Variants in GAS2 observed in about 807,000 individuals in gnomAD.
GAS2 encodes growth arrest specific 2, also known as growth arrest-specific protein 2.
GAS2 carries 20 observed loss-of-function variants against 37.5 expected under a neutral mutation model. The ratio of observed to expected loss-of-function variants is 0.53; its 90% CI spans 0.37 to 0.77. GAS2 has a LOEUF of 0.77. GAS2 is among the 30% of genes least tolerant of loss of function. The probability of loss-of-function intolerance (pLI) is 0.00; values close to 1 mark genes in which losing one functional copy is unlikely to be tolerated. For synonymous variants in GAS2, 144 were observed against 132.2 expected (o/e 1.09, Z -0.61); for missense variants, 336 against 373.4 (o/e 0.90, Z 0.82).
intron 5 of GAS2, among the ~76,000 whole-genome samples, chr11:22,738,709 G>A (rs924922565): frequency 6.6e-6 from 1 of 152,074 alleles, no homozygotes; most frequent in African/African-American, 2.4e-5. Context: ...TTACAACTTG[G>A]CTAGAAAACT....
At chr11:22,782,249 G>A (rs887059102) in intron 7 of GAS2, among the ~76,000 whole-genome samples, 2 of 152,160 alleles carry the variant, frequency 1.3e-5, no homozygotes, top group African/African-American at 4.8e-5. Flanking sequence ...GAGAGCTAGA[G>A]AGGACAGCCT....
intron 3 of GAS2, among the ~76,000 whole-genome samples, chr11:22,692,358 C>A (rs1850286946): frequency 6.6e-6 from 1 of 152,120 alleles, no homozygotes; most frequent in Non-Finnish European, 1.5e-5. Context: ...GGACGTGCGC[C>A]CATGATACAG....
At chr11:22,763,961 A>G (rs762040492) in intron 7 of GAS2, among the ~76,000 whole-genome samples, 29 of 152,318 alleles carry the variant, frequency 1.9e-4, no homozygotes, top group Middle Eastern at 3.4e-3. Flanking sequence ...TTTTTGCTTC[A>G]CTAAAGACAC....
intron 7 of GAS2, among the ~76,000 whole-genome samples, chr11:22,764,120 C>A (rs1854541496): frequency 6.6e-6 from 1 of 152,018 alleles, no homozygotes; most frequent in African/African-American, 2.4e-5. Context: ...AATAACTAAC[C>A]ATTGCTGTAA....
chr11:22,685,786 A>G lies in GAS2; in HGVS notation c.264A>G (p.Thr88=), dbSNP rs779515711. 1 of 1,611,482 alleles carries G rather than the reference A, an allele frequency of 6.2e-7. No homozygotes were observed. The highest frequency in any genetic ancestry group is 8.5e-7 in the Non-Finnish European group (1 of 1,179,226). ...FKESMDANKP[T]KNLPLKKIPC... is the part of the protein sequence containing the mutation. ...AGAGCATGGATGCTAACAAGCCCAC[A>G]AAGGTAAAAGATCCCAATGCAAAAA... Residue 88 remains threonine, a synonymous_variant, in exon 3 of 8, where the codon ACA becomes ACG. Coordinates refer to ENST00000454584, the MANE Select transcript of GAS2 (RefSeq NM_001143830.3).
intron 3 of GAS2, among the ~76,000 whole-genome samples, chr11:22,705,831 G>A (rs1303342225): frequency 6.6e-6 from 1 of 152,154 alleles, no homozygotes; most frequent in African/African-American, 2.4e-5. Flanking sequence ...ATACAAGAAA[G>A]TGTACATACA....
chr11:22,627,583 A>G (rs971854554), intron 1 of GAS2, among the ~76,000 whole-genome samples: 4 of 152,318 alleles, frequency 2.6e-5, no homozygotes, highest in Admixed American at 1.3e-4. Context: ...AGCCTGGCCA[A>G]TATGGCAAAA....
intron 7 of GAS2, among the ~76,000 whole-genome samples, chr11:22,805,299 T>C (rs568642763): frequency 2.6e-5 from 4 of 152,320 alleles, no homozygotes; most frequent in East Asian, 1.9e-4. Flanking sequence ...AAAGTACATA[T>C]GCATTGTGGA....
intron 7 of GAS2, among the ~76,000 whole-genome samples, chr11:22,791,968 A>G (rs1856186574): frequency 6.6e-6 from 1 of 152,252 alleles, no homozygotes; most frequent in Non-Finnish European, 1.5e-5. Flanking sequence ...CAAAAGGCAC[A>G]GGAAGGTGTT....
At chr11:22,726,074 G>C (rs1018755287) in intron 3 of GAS2, among the ~76,000 whole-genome samples, 1 of 151,940 alleles carries the variant, frequency 6.6e-6, no homozygotes, top group African/African-American at 2.4e-5. Flanking sequence ...TTAACCCCTA[G>C]GTACTAAAAA....
intron 3 of GAS2, among the ~76,000 whole-genome samples, chr11:22,722,016 A>G (rs1014925057): frequency 1.3e-5 from 2 of 151,998 alleles, no homozygotes; most frequent in African/African-American, 4.8e-5. Context: ...TGAACATCGT[A>G]TAGCAGAGGA....
At chr11:22,780,075 G>A (rs779362745) in intron 7 of GAS2, among the ~76,000 whole-genome samples, 3 of 152,130 alleles carry the variant, frequency 2.0e-5, no homozygotes, top group African/African-American at 4.8e-5. Flanking sequence ...TAGTATATAC[G>A]AGTTGCTTAA....
chr11:22,645,578 A>G (rs1848679057), intron 1 of GAS2, among the ~76,000 whole-genome samples: 1 of 152,022 alleles, frequency 6.6e-6, no homozygotes, highest in Non-Finnish European at 1.5e-5. Context: ...TTGTTTCTTT[A>G]GTGGGAAATA....
intron 1 of GAS2, among the ~76,000 whole-genome samples, chr11:22,636,608 A>G (rs1396251192): frequency 1.3e-5 from 2 of 152,116 alleles, no homozygotes; most frequent in Non-Finnish European, 2.9e-5. Flanking sequence ...AATGTATAAC[A>G]TTCTCTAATG....
chr11:22,641,142 G>A (rs759330649), intron 1 of GAS2, among the ~76,000 whole-genome samples: 2 of 149,154 alleles, frequency 1.3e-5, no homozygotes, highest in Non-Finnish European at 3.0e-5. Flanking sequence ...GGAGGAGGGA[G>A]GTTAAGGATT....
At chr11:22,696,343 T>A (rs1850515062) in intron 3 of GAS2, among the ~76,000 whole-genome samples, 1 of 152,114 alleles carries the variant, frequency 6.6e-6, no homozygotes, top group South Asian at 2.1e-4. Context: ...AGTCTATCAT[T>A]GTTGGACATT....
chr11:22,718,590 G>A (rs186806), intron 3 of GAS2, among the ~76,000 whole-genome samples: 135,911 of 151,818 alleles, frequency 0.9, 62,582 homozygotes, highest in East Asian at 1. Context: ...TGGGTGCACC[G>A]AAATCTCAGA....
At chr11:22,639,674 A>G (rs1330442684) in intron 1 of GAS2, among the ~76,000 whole-genome samples, 4 of 152,178 alleles carry the variant, frequency 2.6e-5, no homozygotes, top group Admixed American at 2.0e-4. Context: ...TGATCAAACT[A>G]TAAACGCCAT....
chr11:22,642,330 A>C (rs1443890009), intron 1 of GAS2, among the ~76,000 whole-genome samples: 2 of 152,172 alleles, frequency 1.3e-5, no homozygotes, highest in African/African-American at 4.8e-5. Flanking sequence ...ATTTTAATGG[A>C]GAGAAGAATG....
Sources: allele counts gnomAD v4.1 joint callset (sites outside exome capture counted in the v4.1 genomes callset), GRCh38; gene constraint gnomAD v4.1.1; transcripts MANE v1.5; gene names NCBI Gene and HGNC (gene_info 2026-07-23, HGNC 2026-07-21).